DACH2: variants seen among roughly 807,000 people sequenced by gnomAD.
The protein encoded by DACH2 is dachshund family transcription factor 2, also known as dachshund homolog 2.
In DACH2, 17 loss-of-function variants were observed where a neutral mutation model predicts 35.8. The observed-to-expected ratio is 0.48, with a 90% CI of 0.33 to 0.71. The LOEUF is 0.71. Among genes scored for constraint, DACH2 ranks in the 30% least tolerant of loss-of-function variants. DACH2 has a pLI of 0.02. For missense variants in DACH2, 469 were observed against 472.7 expected, an observed-to-expected ratio of 0.99 and a Z score of 0.07; for synonymous variants, 195 against 177.3, an observed-to-expected ratio of 1.10 and a Z score of -0.79.
chrX:86,715,886 T>C (rs1429691125), intron 6 of DACH2, among the ~76,000 whole-genome samples: 1 of 111,561 alleles, frequency 9.0e-6, no homozygotes, highest in Non-Finnish European at 1.9e-5. Context: ...TTGTAATAGA[T>C]AGGCATGGAA....
At chrX:86,772,913 G>A (rs2147297276) in intron 7 of DACH2, among the ~76,000 whole-genome samples, 1 of 111,155 alleles carries the variant, frequency 9.0e-6, no homozygotes, top group African/African-American at 3.3e-5. Flanking sequence ...TGCTATTATT[G>A]TTTTAAAGAA....
intron 7 of DACH2, among the ~76,000 whole-genome samples, chrX:86,745,750 C>T (rs138232450): frequency 9.0e-6 from 1 of 111,615 alleles, no homozygotes; most frequent in East Asian, 2.8e-4. Context: ...GGGTACATAT[C>T]CAATAATGGG....
intron 2 of DACH2, among the ~76,000 whole-genome samples, chrX:86,420,138 C>T: frequency 8.9e-6 from 1 of 111,798 alleles, no homozygotes; most frequent in Non-Finnish European, 1.9e-5. Context: ...AGAACAAAAA[C>T]AGTTAAGGAA....
At chrX:86,301,696 A>G (rs892363801) in intron 1 of DACH2, among the ~76,000 whole-genome samples, 4 of 112,171 alleles carry the variant, frequency 3.6e-5, no homozygotes, top group Non-Finnish European at 5.6e-5. Flanking sequence ...TAAATTAATA[A>G]CAGTAGTAAA....
intron 1 of DACH2, among the ~76,000 whole-genome samples, chrX:86,230,211 T>C (rs5923515): frequency 0.43 from 47,225 of 110,029 alleles, 8,270 homozygotes; most frequent in Non-Finnish European, 0.56. Flanking sequence ...CTGCATCCTT[T>C]AAGATGATCA....
intron 4 of DACH2, among the ~76,000 whole-genome samples, chrX:86,659,985 A>G (rs2040587977): frequency 9.0e-6 from 1 of 111,064 alleles, no homozygotes; most frequent in Non-Finnish European, 1.9e-5. Flanking sequence ...CCTTCCTTAG[A>G]AATTTGAGGT....
chrX:86,640,781 T>G (rs2040336399), intron 3 of DACH2, among the ~76,000 whole-genome samples: 1 of 111,419 alleles, frequency 9.0e-6, no homozygotes, highest in East Asian at 2.9e-4. Context: ...GTCTACCAAC[T>G]GACCAGTAAG....
intron 10 of DACH2, 31 bp from the exon 11 acceptor site, chrX:86,816,003 G>T: frequency 1.8e-6 from 2 of 1,109,723 alleles, no homozygotes; most frequent in Non-Finnish European, 2.4e-6. Context: ...CCACCTAATT[G>T]TATATTAATC....
intron 1 of DACH2, among the ~76,000 whole-genome samples, chrX:86,292,738 G>C (rs762045503): frequency 1.8e-5 from 2 of 111,978 alleles, no homozygotes; most frequent in African/African-American, 6.5e-5. Flanking sequence ...GAGCGGTTTT[G>C]AGTGAGTTTC....
intron 1 of DACH2, among the ~76,000 whole-genome samples, chrX:86,292,997 C>T (rs947500011): frequency 7.3e-4 from 73 of 100,236 alleles, no homozygotes; most frequent in Non-Finnish European, 1.1e-3. Flanking sequence ...CTTTCTGTCT[C>T]GTTGATCTGT....
At chrX:86,371,628 C>G (rs1269869555) in intron 1 of DACH2, among the ~76,000 whole-genome samples, 1 of 109,880 alleles carries the variant, frequency 9.1e-6, no homozygotes, top group Non-Finnish European at 1.9e-5. Context: ...TATATGTTTG[C>G]CAAACATTTT....
chrX:86,691,649 T>C lies in DACH2; in HGVS notation c.773-3372T>C, dbSNP rs146201694. On this transcript the variant is annotated intron_variant, in intron 4 of 11. Coordinates refer to ENST00000373125, the MANE Select transcript of DACH2 (RefSeq NM_053281.3). The stretch of plus-strand genomic sequence containing the variant: ...ACAGAGGAAAGAGCATGTGAGGACA[T>C]AGGGGAAAACACAGTCATCTGCAAA... 3.8e-3 allele frequency among the ~76,000 whole-genome samples: 421 copies of C among 111,004 alleles called. 2 individuals are homozygous for C. Among genetic ancestry groups the C allele is most frequent in the African/African-American group, 0.013 (402 of 30,574 alleles).
intron 1 of DACH2, among the ~76,000 whole-genome samples, chrX:86,322,579 A>G (rs1265436743): frequency 1.8e-5 from 2 of 111,778 alleles, no homozygotes; most frequent in African/African-American, 3.3e-5. Flanking sequence ...ACAATTGCCT[A>G]TGTGACCTTA....
intron 3 of DACH2, among the ~76,000 whole-genome samples, chrX:86,556,900 G>A (rs1457509497): frequency 9.5e-6 from 1 of 104,779 alleles, no homozygotes; most frequent in African/African-American, 3.5e-5. Context: ...TATGCTGTCT[G>A]CAAGCTAGAG....
chrX:86,267,803 T>TC (rs1012440226), intron 1 of DACH2, among the ~76,000 whole-genome samples: 3 of 112,238 alleles, frequency 2.7e-5, no homozygotes, highest in Non-Finnish European at 5.6e-5. Context: ...AGGCTTAGTG[T>TC]CCCCCCACCC....
intron 11 of DACH2, among the ~76,000 whole-genome samples, chrX:86,823,768 G>A (rs974759582): frequency 2.7e-5 from 3 of 111,263 alleles, no homozygotes; most frequent in African/African-American, 6.5e-5. Flanking sequence ...TGGTAGGACC[G>A]TGATGCCTAC....
intron 3 of DACH2, among the ~76,000 whole-genome samples, chrX:86,621,669 T>C (rs762870051): frequency 8.9e-6 from 1 of 112,017 alleles, no homozygotes; most frequent in Non-Finnish European, 1.9e-5. Context: ...TGCCTTTGCT[T>C]TCCTCATCTG....
rs184164631 is a variant in DACH2, at chrX:86,331,017, G to C, written c.489-45807G>C. ...AAAACCACAGTTTCATTGTTATTTGGGGAAAATGGGAAAGAAGGAGTATAT... is the reference window on the plus strand; with the variant it reads ...AAAACCACAGTTTCATTGTTATTTGCGGAAAATGGGAAAGAAGGAGTATAT... On this transcript the variant is annotated intron_variant, in intron 1 of 11. Coordinates refer to ENST00000373125, the MANE Select transcript of DACH2 (RefSeq NM_053281.3). Among the ~76,000 whole-genome samples, 3 of 111,009 alleles carry C rather than the reference G, an allele frequency of 2.7e-5. No individual in the cohort carries two copies. The East Asian group carries it at 8.6e-4, about 32-fold the overall frequency.
chrX:86,240,105 C>A (rs1228366111), intron 1 of DACH2, among the ~76,000 whole-genome samples: 1 of 111,480 alleles, frequency 9.0e-6, no homozygotes, highest in Admixed American at 9.6e-5. Context: ...CAATTATAAC[C>A]AAAAGCAAGC....
Sources: gnomAD v4.1 joint callset for allele counts (sites outside exome capture counted in the v4.1 genomes callset) on GRCh38, gnomAD v4.1.1 for gene constraint, MANE v1.5 for transcripts, NCBI Gene and HGNC (gene_info 2026-07-23, HGNC 2026-07-21) for gene names.